CBFA2T3: variants seen among roughly 807,000 people sequenced by gnomAD.
CBFA2T3 encodes CBFA2/RUNX1 partner transcriptional co-repressor 3.
Under a neutral mutation model 58.6 loss-of-function variants are expected in CBFA2T3, and 31 were observed. That is an observed-to-expected ratio of 0.53 (90% CI 0.40 to 0.71). The LOEUF is 0.71. Ranked by LOEUF, CBFA2T3 falls within the 30% of genes least tolerant of loss-of-function variation. The probability of loss-of-function intolerance (pLI) is 0.00; values close to 1 mark genes in which losing one functional copy is unlikely to be tolerated. For synonymous variants in CBFA2T3, 531 were observed against 421.9 expected, an observed-to-expected ratio of 1.26 and a Z score of -3.17; for missense variants, 1,076 against 963.1, an observed-to-expected ratio of 1.12 and a Z score of -1.55.
chr16:88,882,536 C>CTGTGTGCATGGGTGTGGCTGTG, intron 8 of CBFA2T3, 140 bp downstream of exon 8: 1 of 643,130 alleles, frequency 1.6e-6, no homozygotes, highest in Non-Finnish European at 2.7e-6. Context: ...GTGGGCATGG[C>CTGTGTGCATGGGTGTGGCTGTG]TGTGTGCATG....
rs1321756700 is a variant in CBFA2T3 at position 88,881,551 on chromosome 16, C to T, written c.1204-62G>A. On this transcript the variant is annotated intron_variant, in intron 8 of 11. Transcript: ENST00000268679. ...GGACCGGGACGCACCAGACACTCCC[C>T]CAGCCCACTCGGCCAGAGCCCCGGA... 3.3e-6 allele frequency: 5 copies of T among 1,519,192 alleles called. No homozygotes were observed. In the East Asian group the frequency reaches 1.1e-4, roughly 35 times the overall value. The allele number at this position is 1,519,192 out of a possible 1,614,324, so 94.1% of individuals were successfully genotyped here. A position where few individuals can be genotyped will look rare whatever the true frequency, so the allele number is the denominator to read the frequency against.
At chr16:88,971,407 G>C (rs534941622) in intron 1 of CBFA2T3, among the ~76,000 whole-genome samples, 17 of 152,344 alleles carry the variant, frequency 1.1e-4, no homozygotes, top group African/African-American at 4.1e-4. Flanking sequence ...ACGGCACCTG[G>C]CCTTGATTTT....
At chr16:88,898,887 T>G (rs906126082) in intron 2 of CBFA2T3, among the ~76,000 whole-genome samples, 3 of 152,154 alleles carry the variant, frequency 2.0e-5, no homozygotes, top group Non-Finnish European at 2.9e-5. Flanking sequence ...AAAGATTGAA[T>G]TTGTTCGAGC....
At chr16:88,924,768 G>C (rs1287214636) in intron 1 of CBFA2T3, among the ~76,000 whole-genome samples, 5 of 152,226 alleles carry the variant, frequency 3.3e-5, no homozygotes, top group Non-Finnish European at 7.3e-5. Flanking sequence ...GCCAGGCACT[G>C]GGGGCCAAGC....
intron 1 of CBFA2T3, among the ~76,000 whole-genome samples, chr16:88,921,377 C>A (rs537842349): frequency 6.6e-6 from 1 of 152,234 alleles, no homozygotes. Flanking sequence ...CGTGCCACGC[C>A]GCCCCACCCC....
At chr16:88,893,354 T>C (rs1334927525) in intron 3 of CBFA2T3, among the ~76,000 whole-genome samples, 3 of 148,796 alleles carry the variant, frequency 2.0e-5, no homozygotes, top group Admixed American at 6.7e-5. Flanking sequence ...CTGCAGGTGC[T>C]TTCCAGCAGA....
Position 88,932,838 on chromosome 16 carries a change from G to A in CBFA2T3, c.152-31182C>T, listed in dbSNP as rs1032050736. ...AAAAAAAAAAGCCGGGTGCAGTGGT[G>A]TGTGGCTGTAATCCCAGCTACTCAG... On this transcript the variant is annotated intron_variant, in intron 1 of 11. Transcript: ENST00000268679. Among the ~76,000 whole-genome samples the A allele has an allele frequency of 3.0e-4, 43 of 144,378 alleles. 1 individual carries two copies. Among genetic ancestry groups the A allele is most frequent in the Admixed American group, 2.7e-3 (39 of 14,396 alleles). 94.7% of individuals were successfully genotyped at this position (144,378 alleles called of 152,430 possible). A position where few individuals can be genotyped will look rare whatever the true frequency, so the allele number is the denominator to read the frequency against.
chr16:88,877,224 C>T lies in CBFA2T3; in HGVS notation c.1714G>A (p.Ala572Thr), dbSNP rs1456942734. The T allele has an allele frequency of 1.0e-5, 16 of 1,555,824 alleles. No homozygotes were observed. The highest frequency in any genetic ancestry group is 5.5e-5 in the African/African-American group (4 of 73,264). The change falls in exon 12 of 12, where the codon GCG (alanine) becomes ACG (threonine). Residue 572 changes from alanine to threonine, a missense_variant. Ala to Thr is a moderately conservative substitution (Grantham distance 58). Transcript: ENST00000268679. The part of the protein sequence containing the change: ...KASETCSGCN[A>T]ARYCGSFCQH... Reference sequence around the variant, plus strand: ...CAGAAGGACCCGCAGTAGCGTGCCGCGTTGCAGCCGCTGCACGTCTCACTG... The same window carrying T: ...CAGAAGGACCCGCAGTAGCGTGCCGTGTTGCAGCCGCTGCACGTCTCACTG...
chr16:88,937,058 G>A (rs940652671), intron 1 of CBFA2T3: 10 of 152,242 alleles, frequency 6.6e-5, no homozygotes, highest in African/African-American at 2.4e-4. Flanking sequence ...TTTGCTCTCG[G>A]CTAAGGCGGC....
chr16:88,929,388 T>G (rs980227363), intron 1 of CBFA2T3, among the ~76,000 whole-genome samples: 1 of 152,218 alleles, frequency 6.6e-6, no homozygotes, highest in Non-Finnish European at 1.5e-5. Context: ...CCAAGCCCCC[T>G]GCCCACCAGG....
chr16:88,917,343 C>T (rs115018132), intron 1 of CBFA2T3, among the ~76,000 whole-genome samples: 2,339 of 152,184 alleles, frequency 0.015, 74 homozygotes, highest in African/African-American at 0.054. Context: ...AAGGTGCCAC[C>T]GTGGGAGGGG....
At chr16:88,889,511 G>C (rs901557550) in intron 5 of CBFA2T3, among the ~76,000 whole-genome samples, 2 of 151,924 alleles carry the variant, frequency 1.3e-5, no homozygotes, top group Non-Finnish European at 2.9e-5. Context: ...GCCCTGGGAC[G>C]ACCAGGGCGT....
rs756212802 is a variant in CBFA2T3 at position 88,976,673 on chromosome 16, G to A, written c.135C>T (p.Pro45=). The A allele has an allele frequency of 6.4e-7, 1 of 1,563,124 alleles. No individual in the cohort carries two copies. The highest frequency in any genetic ancestry group is 8.7e-7 in the Non-Finnish European group (1 of 1,153,766). ...ASAGCSAPRG[P]RKGGPAPVDR... ...GCCTCTTACCTGGGCCGCCCTTCCT[G>A]GGACCCCGGGGTGCGGAGCAGCCGG... Residue 45 remains proline (P), a synonymous_variant, in exon 1 of 12, where the codon CCC becomes CCT. Coordinates refer to ENST00000268679, the MANE Select transcript of CBFA2T3 (RefSeq NM_005187.6).
chr16:88,891,210 T>C (rs538482473), intron 5 of CBFA2T3, among the ~76,000 whole-genome samples: 2 of 151,892 alleles, frequency 1.3e-5, no homozygotes, highest in African/African-American at 4.8e-5. Flanking sequence ...CCACGTATTC[T>C]GTTCCAGTCA....
rs145506522 is a variant in CBFA2T3, at chr16:88,878,050, T to C, written c.1663-775A>G. ...GCGGACTAGGCACTGCCAGGCACAG[T>C]CCCCGCTCCAGGCCCTGGCCCCTGC... On this transcript the variant is annotated intron_variant, in intron 11 of 11. Coordinates refer to ENST00000268679, the MANE Select transcript of CBFA2T3 (RefSeq NM_005187.6). 3.0e-3 allele frequency among the ~76,000 whole-genome samples: 454 copies of C among 152,116 alleles called. 1 individual carries two copies. The highest frequency in any genetic ancestry group is 0.011 in the African/African-American group (437 of 41,504).
chr16:88,974,769 C>G (rs981033055), intron 1 of CBFA2T3, among the ~76,000 whole-genome samples: 2 of 151,968 alleles, frequency 1.3e-5, no homozygotes, highest in Admixed American at 1.3e-4. Flanking sequence ...AGTTCCCATG[C>G]CCCCCATGGC....
chr16:88,922,996 C>T (rs565727586), intron 1 of CBFA2T3, among the ~76,000 whole-genome samples: 47 of 152,268 alleles, frequency 3.1e-4, no homozygotes, highest in Non-Finnish European at 6.3e-4. Flanking sequence ...AGCTGGGACC[C>T]GACCAGCTCT....
chr16:88,889,887 G>C (rs368150519), intron 5 of CBFA2T3, among the ~76,000 whole-genome samples: 2 of 138,932 alleles, frequency 1.4e-5, no homozygotes, highest in East Asian at 4.3e-4. Flanking sequence ...GACGCCCCGC[G>C]ATTCCTCCTC....
intron 1 of CBFA2T3, among the ~76,000 whole-genome samples, chr16:88,933,947 G>GA (rs11373045): frequency 0.28 from 38,432 of 137,564 alleles, 7,468 homozygotes; most frequent in Middle Eastern, 0.53. Flanking sequence ...CGGGAGAGCT[G>GA]AAAAAAAAAT....
Sources: allele counts gnomAD v4.1 joint callset (sites outside exome capture counted in the v4.1 genomes callset), GRCh38; gene constraint gnomAD v4.1.1; transcripts MANE v1.5; gene names NCBI Gene and HGNC (gene_info 2026-07-23, HGNC 2026-07-21).